Variants in SAMD12 observed in about 807,000 individuals in gnomAD.
The protein encoded by SAMD12 is sterile alpha motif domain containing 12.
A neutral mutation model predicts 15.0 loss-of-function variants in SAMD12; 9 were observed. The observed-to-expected ratio is 0.60, with a 90% CI of 0.36 to 1.05. SAMD12 has a LOEUF of 1.05. Among genes scored for constraint, SAMD12 ranks in the 50% least tolerant of loss-of-function variants. SAMD12 has a pLI of 0.01. For synonymous variants in SAMD12, 86 were observed against 90.1 expected (o/e 0.96, Z 0.25); for missense variants, 230 against 234.2 (o/e 0.98, Z 0.12).
chr8:118,542,542 T>C lies in SAMD12; in HGVS notation c.192+38173A>G, dbSNP rs574891895. On this transcript the variant is annotated intron_variant, in intron 2 of 3. Coordinates refer to ENST00000314727, the MANE Select transcript of SAMD12 (RefSeq NM_207506.3). ...TTTGGAGATGGGGAGAGCACTCTGATTTCAATTCCCAACATCACTGCATAA... is the reference window on the plus strand; with the variant it reads ...TTTGGAGATGGGGAGAGCACTCTGACTTCAATTCCCAACATCACTGCATAA... 2.6e-5 allele frequency among the ~76,000 whole-genome samples: 4 copies of C among 152,290 alleles called. No homozygotes were observed. The East Asian group carries it at 7.7e-4, about 29-fold the overall frequency.
chr8:118,440,406 G>A (rs1361808050), intron 2 of SAMD12, among the ~76,000 whole-genome samples: 1 of 152,074 alleles, frequency 6.6e-6, no homozygotes, highest in Admixed American at 6.6e-5. Context: ...ATATTTTTAG[G>A]AACGAATGTT....
At chr8:118,421,577 C>G (rs1821999114) in intron 3 of SAMD12, among the ~76,000 whole-genome samples, 1 of 152,208 alleles carries the variant, frequency 6.6e-6, no homozygotes, top group East Asian at 1.9e-4. Flanking sequence ...AAACAAAACA[C>G]TGTATTTGTA....
At chr8:118,608,141 CAA>C (rs1157027098) in intron 1 of SAMD12, among the ~76,000 whole-genome samples, 1 of 152,042 alleles carries the variant, frequency 6.6e-6, no homozygotes, top group Non-Finnish European at 1.5e-5. Context: ...AAATTTGCAT[CAA>C]GAGTAGCCTT....
intron 2 of SAMD12, among the ~76,000 whole-genome samples, chr8:118,539,104 C>T (rs572961050): frequency 2.8e-4 from 43 of 152,192 alleles, no homozygotes; most frequent in Non-Finnish European, 3.5e-4. Context: ...TCAGCACAAA[C>T]GGCCTAAAAA....
intron 3 of SAMD12, among the ~76,000 whole-genome samples, chr8:118,430,684 C>T (rs1326501606): frequency 6.6e-6 from 1 of 152,134 alleles, no homozygotes; most frequent in East Asian, 1.9e-4. Context: ...ATTCTTTTCA[C>T]TCTTGTTCTG....
At chr8:118,198,677 C>T (rs1183061385) in intron 4 of SAMD12, among the ~76,000 whole-genome samples, 1 of 152,012 alleles carries the variant, frequency 6.6e-6, no homozygotes, top group African/African-American at 2.4e-5. Context: ...TTAACATTTG[C>T]TATTTTTGAG....
intron 4 of SAMD12, among the ~76,000 whole-genome samples, chr8:118,226,495 TA>T (rs1812191130): frequency 6.6e-6 from 1 of 152,174 alleles, no homozygotes; most frequent in African/African-American, 2.4e-5. Context: ...TATATTTCTT[TA>T]ACACTCACCC....
At chr8:118,549,511 C>A (rs527775501) in intron 2 of SAMD12, among the ~76,000 whole-genome samples, 1 of 152,258 alleles carries the variant, frequency 6.6e-6, no homozygotes, top group South Asian at 2.1e-4. Context: ...AAAGGACATC[C>A]ACACCAAAAA....
At chr8:118,358,970 T>C (rs1818360368) in intron 4 of SAMD12, among the ~76,000 whole-genome samples, 1 of 152,046 alleles carries the variant, frequency 6.6e-6, no homozygotes, top group East Asian at 1.9e-4. Context: ...GTAGTAGTTA[T>C]AATGGATCAT....
intron 2 of SAMD12, among the ~76,000 whole-genome samples, chr8:118,552,133 T>C (rs1826358120): frequency 1.3e-5 from 2 of 152,180 alleles, no homozygotes; most frequent in Admixed American, 1.3e-4. Flanking sequence ...TCTGAAACTA[T>C]TCCAATCAAT....
At chr8:118,354,943 A>C (rs144859854) in intron 4 of SAMD12, among the ~76,000 whole-genome samples, 5 of 152,364 alleles carry the variant, frequency 3.3e-5, no homozygotes, top group African/African-American at 1.2e-4. Context: ...ATTTCTCAGC[A>C]GAACATTTAA....
intron 4 of SAMD12, among the ~76,000 whole-genome samples, chr8:118,323,935 C>G (rs981939224): frequency 6.6e-6 from 1 of 152,062 alleles, no homozygotes; most frequent in Non-Finnish European, 1.5e-5. Flanking sequence ...CCTATACATA[C>G]AGGTTTTTTT....
intron 4 of SAMD12, among the ~76,000 whole-genome samples, chr8:118,252,903 C>G (rs1459382108): frequency 6.6e-6 from 1 of 152,180 alleles, no homozygotes; most frequent in East Asian, 1.9e-4. Context: ...GTCCCGGCAG[C>G]AGTCCCAGGC....
At chr8:118,543,713 A>T (rs13251312) in intron 2 of SAMD12, among the ~76,000 whole-genome samples, 35,833 of 143,990 alleles carry the variant, frequency 0.25, 5,056 homozygotes, top group Non-Finnish European at 0.31. Context: ...TTCTTCTTCC[A>T]GTGTCACCCA....
intron 1 of SAMD12, among the ~76,000 whole-genome samples, chr8:118,587,522 G>C (rs765152202): frequency 3.9e-5 from 6 of 152,192 alleles, no homozygotes; most frequent in Non-Finnish European, 8.8e-5. Flanking sequence ...GTTGATGACA[G>C]ATTCCTCCCT....
intron 2 of SAMD12, among the ~76,000 whole-genome samples, chr8:118,526,364 C>A: frequency 6.6e-6 from 1 of 151,976 alleles, no homozygotes; most frequent in South Asian, 2.1e-4. Context: ...CCAGGAATAG[C>A]CCCCCAACCT....
chr8:118,189,102 T>C (rs970792479), downstream of SAMD12, among the ~76,000 whole-genome samples: 12 of 152,102 alleles, frequency 7.9e-5, 1 homozygote, highest in Admixed American at 3.3e-4. Flanking sequence ...CTCTTCCTAG[T>C]GTGTTTACCA....
At chr8:118,506,026 T>A (rs771326119) in intron 2 of SAMD12, among the ~76,000 whole-genome samples, 1 of 152,162 alleles carries the variant, frequency 6.6e-6, no homozygotes. Context: ...CTCTCTTGCT[T>A]ATTGCTCTAG....
intron 3 of SAMD12, among the ~76,000 whole-genome samples, chr8:118,403,091 C>T (rs893073183): frequency 6.6e-6 from 1 of 152,220 alleles, no homozygotes; most frequent in Non-Finnish European, 1.5e-5. Context: ...TGATTTATCA[C>T]ATATCTTCAC....
Sources: allele counts gnomAD v4.1 joint callset (sites outside exome capture counted in the v4.1 genomes callset), GRCh38; gene constraint gnomAD v4.1.1; transcripts MANE v1.5; gene names NCBI Gene and HGNC (gene_info 2026-07-23, HGNC 2026-07-21).